The following TBC1D22A variants were observed in gnomAD, a reference collection of about 807,000 sequenced individuals.
TBC1D22A encodes TBC1 domain family member 22A, also known as putative GTPase activator.
In TBC1D22A, 38 loss-of-function variants were observed where a neutral mutation model predicts 60.2. That is an observed-to-expected ratio of 0.63 (90% CI 0.49 to 0.83). TBC1D22A has a LOEUF of 0.83. Among genes scored for constraint, TBC1D22A ranks in the 40% least tolerant of loss-of-function variants. The probability of loss-of-function intolerance (pLI) is 0.00; values close to 1 mark genes in which losing one functional copy is unlikely to be tolerated. For missense variants in TBC1D22A, 628 were observed against 701.0 expected (o/e 0.90, Z 1.18); for synonymous variants, 302 against 281.7 (o/e 1.07, Z -0.72).
rs1569205622 is a variant in TBC1D22A at position 46,907,727 on chromosome 22, G to A, written c.901-4347G>A. Among the ~76,000 whole-genome samples the A allele has an allele frequency of 2.6e-5, 4 of 152,360 alleles. No individual in the cohort carries two copies. The South Asian group carries it at 8.3e-4, about 32-fold the overall frequency. The stretch of plus-strand genomic sequence containing the variant: ...CTGAGGGCACTGCTGTAAAGTGGGT[G>A]GAGGAAACCCTTCCCAGGGACCCAC... On this transcript the variant is annotated intron_variant, in intron 7 of 12. Coordinates refer to ENST00000337137, the MANE Select transcript of TBC1D22A (RefSeq NM_014346.5).
chr22:46,953,815 C>A (rs1419469264), intron 8 of TBC1D22A, among the ~76,000 whole-genome samples: 1 of 152,166 alleles, frequency 6.6e-6, no homozygotes, highest in Non-Finnish European at 1.5e-5. Flanking sequence ...GAGTATTTAC[C>A]TCTATCAGGT....
intron 12 of TBC1D22A, among the ~76,000 whole-genome samples, chr22:47,124,590 G>A (rs2066385795): frequency 6.6e-6 from 1 of 152,236 alleles, no homozygotes; most frequent in Non-Finnish European, 1.5e-5. Flanking sequence ...GTGTGGAGTT[G>A]GCAAATCAGC....
At chr22:47,146,845 T>C (rs1430134333) in intron 12 of TBC1D22A, among the ~76,000 whole-genome samples, 1 of 152,214 alleles carries the variant, frequency 6.6e-6, no homozygotes, top group Non-Finnish European at 1.5e-5. Flanking sequence ...GAGGCGGCTC[T>C]GACACAGGTC....
At chr22:46,829,702 G>A (rs2086225562) in intron 4 of TBC1D22A, among the ~76,000 whole-genome samples, 1 of 152,164 alleles carries the variant, frequency 6.6e-6, no homozygotes, top group African/African-American at 2.4e-5. Flanking sequence ...ATCCCGATGG[G>A]GCCAGCGGCG....
At chr22:46,846,006 G>C (rs1048421436) in intron 4 of TBC1D22A, among the ~76,000 whole-genome samples, 6 of 152,210 alleles carry the variant, frequency 3.9e-5, no homozygotes, top group Non-Finnish European at 5.9e-5. Context: ...TGGCTTAGGG[G>C]TAAAAAAATT....
intron 12 of TBC1D22A, among the ~76,000 whole-genome samples, chr22:47,159,845 CAT>C (rs2067900725): frequency 6.6e-6 from 1 of 151,800 alleles, no homozygotes; most frequent in Non-Finnish European, 1.5e-5. Context: ...CCACACTCCA[CAT>C]ACAGACACAA....
chr22:46,805,921 C>G (rs369591946), intron 4 of TBC1D22A, among the ~76,000 whole-genome samples: 46 of 151,870 alleles, frequency 3.0e-4, no homozygotes, highest in African/African-American at 1.0e-3. Flanking sequence ...GGCTTCATCT[C>G]GGCCCACTGC....
At chr22:47,076,650 C>T (rs2064239568) in intron 11 of TBC1D22A, among the ~76,000 whole-genome samples, 1 of 151,976 alleles carries the variant, frequency 6.6e-6, no homozygotes, top group African/African-American at 2.4e-5. Flanking sequence ...CTTGTTCTCC[C>T]TCCCATTTTT....
chr22:47,049,222 C>T (rs946145133), intron 11 of TBC1D22A, among the ~76,000 whole-genome samples: 5 of 152,232 alleles, frequency 3.3e-5, no homozygotes, highest in South Asian at 2.1e-4. Context: ...GGCCAACCTT[C>T]GGCTTTGCGC....
chr22:47,061,117 C>G (rs1268699798), intron 11 of TBC1D22A, among the ~76,000 whole-genome samples: 1 of 151,452 alleles, frequency 6.6e-6, no homozygotes, highest in Non-Finnish European at 1.5e-5. Flanking sequence ...GTGCCCTCAC[C>G]ACCGTCCTGG....
intron 12 of TBC1D22A, among the ~76,000 whole-genome samples, chr22:47,156,974 G>A (rs966553772): frequency 2.0e-5 from 3 of 152,220 alleles, no homozygotes; most frequent in Middle Eastern, 3.2e-3. Flanking sequence ...CATCAGTGTG[G>A]GTTGCACCTG....
chr22:47,114,442 T>G (rs1252174576), intron 12 of TBC1D22A, among the ~76,000 whole-genome samples: 1 of 151,760 alleles, frequency 6.6e-6, no homozygotes, highest in Non-Finnish European at 1.5e-5. Flanking sequence ...GAGAATGCTG[T>G]GAGTGAGGGG....
chr22:47,128,853 C>A lies in TBC1D22A; in HGVS notation c.1425+17250C>A, dbSNP rs1490919585. ...ATGGGCCCCAGAGTCCCATCAAGAT[C>A]CCCGGCTCTTCATGAAGTCACACTT... On this transcript the variant is annotated intron_variant, in intron 12 of 12. Transcript: ENST00000337137. 2.8e-4 allele frequency among the ~76,000 whole-genome samples: 42 copies of A among 152,202 alleles called. 1 individual carries two copies. The highest frequency in any genetic ancestry group is 2.7e-3 in the Admixed American group (42 of 15,282).
intron 10 of TBC1D22A, among the ~76,000 whole-genome samples, chr22:47,022,362 T>C (rs1462807388): frequency 6.6e-6 from 1 of 152,160 alleles, no homozygotes; most frequent in Non-Finnish European, 1.5e-5. Flanking sequence ...AGCTCCATGA[T>C]TGCATGAAAG....
chr22:46,773,171 G>T (rs1023816233), intron 1 of TBC1D22A, among the ~76,000 whole-genome samples: 1 of 152,124 alleles, frequency 6.6e-6, no homozygotes, highest in Admixed American at 6.5e-5. Flanking sequence ...TTCACCCCCT[G>T]AACACAGGCC....
intron 11 of TBC1D22A, among the ~76,000 whole-genome samples, chr22:47,064,355 AAC>A (rs1238772933): frequency 1.3e-5 from 2 of 152,266 alleles, no homozygotes; most frequent in Non-Finnish European, 2.9e-5. Context: ...TGGTTCAGCA[AAC>A]ACAGAATTAG....
chr22:47,134,801 C>T (rs17763111), intron 12 of TBC1D22A, among the ~76,000 whole-genome samples: 4,416 of 152,250 alleles, frequency 0.029, 84 homozygotes, highest in South Asian at 0.064. Flanking sequence ...ATGTGACAAC[C>T]GAGCACCCCC....
At chr22:46,930,960 A>G (rs2071325364) in intron 8 of TBC1D22A, among the ~76,000 whole-genome samples, 1 of 152,178 alleles carries the variant, frequency 6.6e-6, no homozygotes, top group Non-Finnish European at 1.5e-5. Flanking sequence ...GCAGCCTTGT[A>G]AGGTAGACAC....
chr22:47,141,697 G>C (rs565550266), intron 12 of TBC1D22A, among the ~76,000 whole-genome samples: 1 of 152,316 alleles, frequency 6.6e-6, no homozygotes, highest in Admixed American at 6.5e-5. Flanking sequence ...GCCTGTTTGT[G>C]CCACACACCT....
Sources: gnomAD v4.1 joint callset for allele counts (sites outside exome capture counted in the v4.1 genomes callset) on GRCh38, gnomAD v4.1.1 for gene constraint, MANE v1.5 for transcripts, NCBI Gene and HGNC (gene_info 2026-07-23, HGNC 2026-07-21) for gene names.